PRNP: variants seen among roughly 807,000 people sequenced by gnomAD.
PRNP encodes the protein major prion protein.
PRNP carries 15 observed loss-of-function variants against 21.3 expected under a neutral mutation model. The ratio of observed to expected loss-of-function variants is 0.71; its 90% CI spans 0.47 to 1.09. PRNP has a LOEUF of 1.09. PRNP is among the 50% of genes least tolerant of loss of function. The pLI, the probability that PRNP is intolerant of heterozygous loss-of-function variation, is 0.00. For missense variants in PRNP, 285 were observed against 340.9 expected (o/e 0.84, Z 1.29); for synonymous variants, 121 against 123.1 (o/e 0.98, Z 0.11).
chr20:4,688,748 G>A (rs1921632835), intron 1 of PRNP, among the ~76,000 whole-genome samples: 1 of 152,144 alleles, frequency 6.6e-6, no homozygotes, highest in African/African-American at 2.4e-5. Context: ...TAAAAAAGTG[G>A]GTTATTAACT....
intron 1 of PRNP, among the ~76,000 whole-genome samples, chr20:4,693,617 C>G (rs528275088): frequency 6.6e-6 from 1 of 152,304 alleles, no homozygotes; most frequent in East Asian, 1.9e-4. Flanking sequence ...CCACCTGCCA[C>G]TGTCTCATGG....
chr20:4,690,634 CATA>C (rs769102435), intron 1 of PRNP, among the ~76,000 whole-genome samples: 1 of 152,124 alleles, frequency 6.6e-6, no homozygotes, highest in African/African-American at 2.4e-5. Context: ...AGTATAATTT[CATA>C]ATGTCTTTTA....
rs754462299 is a variant in PRNP, at chr20:4,701,194, C to G, written c.*1212C>G. The G allele has an allele frequency of 4.2e-5, 7 of 166,890 alleles. No homozygotes were observed. Among genetic ancestry groups the G allele is most frequent in the Non-Finnish European group, 8.8e-5 (6 of 68,116 alleles). 10.3% of individuals were successfully genotyped at this position (166,890 alleles called of 1,614,324 possible). On this transcript the variant is annotated 3_prime_UTR_variant, in exon 2 of 2. Transcript: ENST00000379440. This position sits in a 1 kb window ranked among gnomAD's most constrained non-coding sequence, Gnocchi z 4.2. ...TGAATTGTTTGATATTGTCACCTAG[C>G]AGATATGTATTACTTTTCTGCAATG... is the stretch of plus-strand genomic sequence containing the variant.
chr20:4,699,146 G>T lies in PRNP; in HGVS notation c.-10-65G>T. 2 of 1,581,596 alleles carry T rather than the reference G, an allele frequency of 1.3e-6. No individual in the cohort carries two copies. On this transcript the variant is annotated intron_variant, in intron 1 of 1. Coordinates refer to ENST00000379440, the MANE Select transcript of PRNP (RefSeq NM_000311.5). The surrounding 1 kb of genome is among the most constrained non-coding windows in gnomAD (Gnocchi z 5.8). ...CCATTGCTATGCACTCATTCATTAT[G>T]CAGGAAACATTTAGTAATTTCAACA... is the stretch of plus-strand genomic sequence containing the variant.
At position 4,700,032 on chromosome 20, in the gene PRNP, G is replaced by A. The variant is rs910056590; in HGVS notation, c.*50G>A. On this transcript the variant is annotated 3_prime_UTR_variant, in exon 2 of 2. Coordinates refer to ENST00000379440, the MANE Select transcript of PRNP (RefSeq NM_000311.5). This position sits in a 1 kb window ranked among gnomAD's most constrained non-coding sequence, Gnocchi z 4.1. The stretch of plus-strand genomic sequence containing the variant: ...CTTTCTAATCTTTTTCCAGCTTGAG[G>A]GAGGCGGTATCCACCTGCAGCCCTT... 6.4e-7 allele frequency: 1 copy of A among 1,558,734 alleles called. No individual in the cohort carries two copies. Among genetic ancestry groups the A allele is most frequent in the Admixed American group, 1.9e-5 (1 of 51,568 alleles).
Position 4,699,489 on chromosome 20 carries a change from G to T in PRNP, c.269G>T (p.Gly90Val). The change falls in exon 2 of 2, where the codon GGT (glycine) becomes GTT (valine). Residue 90 changes from glycine to valine, a missense_variant. Physicochemically the swap from Gly to Val is moderately radical, Grantham distance 109 (BLOSUM62 -3). Coordinates refer to ENST00000379440, the MANE Select transcript of PRNP (RefSeq NM_000311.5). This position sits in a 1 kb window ranked among gnomAD's most constrained non-coding sequence, Gnocchi z 5.8. Reference protein sequence around the residue: ...GWGQPHGGGWGQGGGTHSQWN... With the variant: ...GWGQPHGGGWVQGGGTHSQWN... ...GGACAGCCTCATGGTGGTGGCTGGG[G>T]TCAAGGAGGTGGCACCCACAGTCAG... The T allele has an allele frequency of 6.2e-7, 1 of 1,612,606 alleles. No individual in the cohort carries two copies. Among genetic ancestry groups the T allele is most frequent in the Non-Finnish European group, 8.5e-7 (1 of 1,179,658 alleles).
At position 4,700,159 on chromosome 20, in the gene PRNP, T is replaced by A; in HGVS notation, c.*177T>A. ...TGGAAAACATAGAGTAGACCTGAGA[T>A]GCTGGTCAAGCCCCCTTTGATTGAG... On this transcript the variant is annotated 3_prime_UTR_variant, in exon 2 of 2. Coordinates refer to ENST00000379440, the MANE Select transcript of PRNP (RefSeq NM_000311.5). The surrounding 1 kb of genome is among the most constrained non-coding windows in gnomAD (Gnocchi z 4.1). 6.5e-7 allele frequency: 1 copy of A among 1,539,386 alleles called. No homozygotes were observed.
At chr20:4,691,229 C>T (rs1921808367) in intron 1 of PRNP, among the ~76,000 whole-genome samples, 1 of 152,136 alleles carries the variant, frequency 6.6e-6, no homozygotes, top group South Asian at 2.1e-4. Flanking sequence ...CCATACTACC[C>T]AAAGTGACCT....
chr20:4,694,834 T>G (rs1922065304), intron 1 of PRNP, among the ~76,000 whole-genome samples: 1 of 152,186 alleles, frequency 6.6e-6, no homozygotes, highest in African/African-American at 2.4e-5. Context: ...TTTTTTGTGC[T>G]ATCCTGATAA....
chr20:4,690,391 G>C lies in PRNP; in HGVS notation c.-11+3879G>C, dbSNP rs545113773. Among the ~76,000 whole-genome samples, 8 of 152,168 alleles carry C rather than the reference G, an allele frequency of 5.3e-5. No homozygotes were observed. The South Asian group carries it at 1.2e-3, about 24-fold the overall frequency. ...AACACCTTGGACTCTTACAACCTTGGGATAAGTTCTTACTAGCTCTGACTC... is the reference window on the plus strand; with the variant it reads ...AACACCTTGGACTCTTACAACCTTGCGATAAGTTCTTACTAGCTCTGACTC... On this transcript the variant is annotated intron_variant, in intron 1 of 1. Transcript: ENST00000379440.
intron 1 of PRNP, among the ~76,000 whole-genome samples, chr20:4,693,604 A>C (rs1921968528): frequency 6.6e-6 from 1 of 152,138 alleles, no homozygotes; most frequent in African/African-American, 2.4e-5. Flanking sequence ...TAGTCTTAGC[A>C]GTCCACCTGC....
intron 1 of PRNP, among the ~76,000 whole-genome samples, chr20:4,695,512 T>C (rs1844432908): frequency 6.6e-6 from 1 of 152,224 alleles, no homozygotes; most frequent in Non-Finnish European, 1.5e-5. Context: ...CTATCACTGA[T>C]GGGCATTTAG....
At chr20:4,693,869 T>G (rs1385693716) in intron 1 of PRNP, among the ~76,000 whole-genome samples, 1 of 149,726 alleles carries the variant, frequency 6.7e-6, no homozygotes, top group Non-Finnish European at 1.5e-5. Flanking sequence ...GGCTGAGGCC[T>G]GCAGATTGGT....
rs1921483491 is a variant in PRNP, at chr20:4,686,960, C to G, written c.-11+448C>G. On this transcript the variant is annotated intron_variant, in intron 1 of 1. Coordinates refer to ENST00000379440, the MANE Select transcript of PRNP (RefSeq NM_000311.5). This position sits in a 1 kb window ranked among gnomAD's most constrained non-coding sequence, Gnocchi z 6.7. ...CTGGGGGCCGCGGGGCTCGCGCTCC[C>G]CGCCCGTTGGCCGCCCCTCGGAGGC... Among the ~76,000 whole-genome samples, 1 of 151,602 alleles carries G rather than the reference C, an allele frequency of 6.6e-6. No homozygotes were observed. The highest frequency in any genetic ancestry group is 1.5e-5 in the Non-Finnish European group (1 of 67,816).
chr20:4,692,536 G>C (rs1921899278), intron 1 of PRNP, among the ~76,000 whole-genome samples: 1 of 152,064 alleles, frequency 6.6e-6, no homozygotes, highest in African/African-American at 2.4e-5. Flanking sequence ...ATGATATCTT[G>C]GGCTTTGTGT....
At chr20:4,693,156 C>G (rs1921940753) in intron 1 of PRNP, among the ~76,000 whole-genome samples, 1 of 152,110 alleles carries the variant, frequency 6.6e-6, no homozygotes, top group African/African-American at 2.4e-5. Context: ...CCGGGCAACT[C>G]TCACTCCTCC....
intron 1 of PRNP, among the ~76,000 whole-genome samples, chr20:4,691,962 G>A (rs1921855691): frequency 6.6e-6 from 1 of 152,184 alleles, no homozygotes; most frequent in South Asian, 2.1e-4. Context: ...GTATTTGTCT[G>A]TTTGGATCCA....
intron 1 of PRNP, among the ~76,000 whole-genome samples, chr20:4,694,221 C>T (rs1043810610): frequency 6.7e-6 from 1 of 150,070 alleles, no homozygotes; most frequent in African/African-American, 2.5e-5. Flanking sequence ...CACATACTGG[C>T]TGGGCATGGT....
In PRNP at chr20:4,700,063, G is replaced by A. The variant is rs753355086; in HGVS notation, c.*81G>A. 1.3e-6 allele frequency: 2 copies of A among 1,551,720 alleles called. No homozygotes were observed. The highest frequency in any genetic ancestry group is 1.7e-6 in the Non-Finnish European group (2 of 1,147,344). On this transcript the variant is annotated 3_prime_UTR_variant, in exon 2 of 2. Coordinates refer to ENST00000379440, the MANE Select transcript of PRNP (RefSeq NM_000311.5). The surrounding 1 kb of genome is among the most constrained non-coding windows in gnomAD (Gnocchi z 4.1). ...GGTATCCACCTGCAGCCCTTTTAGT[G>A]GTGGTGTCTCACTCTTTCTTCTCTC... is the stretch of plus-strand genomic sequence containing the variant.
Sources: gnomAD v4.1 joint callset for allele counts (sites outside exome capture counted in the v4.1 genomes callset) on GRCh38, gnomAD v4.1.1 for gene constraint, Gnocchi (gnomAD v3.1) non-coding constraint, MANE v1.5 for transcripts, NCBI Gene and HGNC (gene_info 2026-07-23, HGNC 2026-07-21) for gene names.